Variants in GTF2A2 observed in about 807,000 individuals in gnomAD.
GTF2A2 encodes general transcription factor IIA subunit 2, also known as transcription initiation factor IIA subunit 2.
A neutral mutation model predicts 14.3 loss-of-function variants in GTF2A2; 9 were observed. The ratio of observed to expected loss-of-function variants is 0.63; its 90% confidence interval spans 0.38 to 1.10. The LOEUF (loss-of-function observed/expected upper bound fraction) is 1.10. Ranked by LOEUF, GTF2A2 falls within the 50% of genes least tolerant of loss-of-function variation. GTF2A2 has a pLI of 0.01. For synonymous variants in GTF2A2, 56 were observed against 46.0 expected, an observed-to-expected ratio of 1.22 and a Z score of -0.88; for missense variants, 90 against 124.6, an observed-to-expected ratio of 0.72 and a Z score of 1.32.
intron 1 of GTF2A2, among the ~76,000 whole-genome samples, chr15:59,653,858 T>G (rs1332786426): frequency 6.6e-6 from 1 of 152,156 alleles, no homozygotes; most frequent in East Asian, 1.9e-4. Flanking sequence ...ACAGTAAACA[T>G]AGTCTTCCTG....
At chr15:59,643,534 GA>G (rs1176657687) in intron 3 of GTF2A2, among the ~76,000 whole-genome samples, 44 of 133,958 alleles carry the variant, frequency 3.3e-4, no homozygotes, top group Non-Finnish European at 5.5e-4. Context: ...TTATAATTAA[GA>G]AAAAAAAATT....
At position 59,638,347 on chromosome 15, in the gene GTF2A2, GGTCA is replaced by G. The variant is rs372135289; in HGVS notation, c.*781_*784del. 21 of 152,056 alleles carry G rather than the reference GGTCA, an allele frequency of 1.4e-4. No homozygotes were observed. In the East Asian group the frequency reaches 2.5e-3, roughly 18 times the overall value. The allele number at this position is 152,056 out of a possible 1,614,324, so 9.4% of individuals were successfully genotyped here. ...ACCATGTAAGAAACTCCTCACCTAG[GGTCA>G]GTATGTTACTTCTGTATTTCTGCAA... is the stretch of plus-strand genomic sequence containing the variant. On this transcript the variant is annotated 3_prime_UTR_variant, in exon 5 of 5. Coordinates refer to ENST00000396060, the MANE Select transcript of GTF2A2 (RefSeq NM_004492.3).
intron 3 of GTF2A2, among the ~76,000 whole-genome samples, chr15:59,648,104 T>C (rs556771934): frequency 1.4e-4 from 21 of 152,230 alleles, no homozygotes; most frequent in Non-Finnish European, 2.8e-4. Flanking sequence ...AACCATACAA[T>C]GGCTCTTTAA....
intron 4 of GTF2A2, among the ~76,000 whole-genome samples, chr15:59,640,583 T>A (rs1228833295): frequency 6.6e-6 from 1 of 152,180 alleles, no homozygotes. Context: ...CAGCCATGAG[T>A]GGCTATTGGA....
chr15:59,649,570 A>G (rs1311926332), intron 3 of GTF2A2, among the ~76,000 whole-genome samples: 1 of 152,242 alleles, frequency 6.6e-6, no homozygotes. Context: ...TAATTTTGGC[A>G]GAATCATTAC....
rs967731189 is a variant in GTF2A2, at chr15:59,645,864, G to A, written c.178-3602C>T. Among the ~76,000 whole-genome samples the A allele has an allele frequency of 5.3e-5, 8 of 151,832 alleles. No homozygotes were observed. The South Asian group carries it at 8.4e-4, about 16-fold the overall frequency. On this transcript the variant is annotated intron_variant, in intron 3 of 4. Transcript: ENST00000396060. ...AGCCTGGCCAACATAGTGAAACCCC[G>A]TCTCTACGTAAATATAAAAATTAGA...
chr15:59,657,104 G>A (rs1318211734), intron 1 of GTF2A2: 2 of 152,248 alleles, frequency 1.3e-5, no homozygotes, highest in African/African-American at 4.8e-5. Context: ...GGGCGCTAGT[G>A]GATGCTTTAA....
Position 59,642,143 on chromosome 15 carries a change from A to G in GTF2A2, c.297T>C (p.Asp99=), listed in dbSNP as rs1237314491. The G allele has an allele frequency of 3.7e-6, 6 of 1,605,514 alleles. No individual in the cohort carries two copies. In the African/African-American group the frequency reaches 8.0e-5, roughly 22 times the overall value. ...KVDKVKIVAC[D]GKNTGSNTTE Reference sequence around the variant, plus strand: ...AATAAGGCAAGCACTTACTTTTACCATCACAGGCTACAATTTTCACTTTAT... The same window carrying G: ...AATAAGGCAAGCACTTACTTTTACCGTCACAGGCTACAATTTTCACTTTAT... Residue 99 remains aspartate, a synonymous_variant, in exon 4 of 5, where the codon GAT becomes GAC. Coordinates refer to ENST00000396060, the MANE Select transcript of GTF2A2 (RefSeq NM_004492.3).
At chr15:59,645,194 G>A (rs1484253071) in intron 3 of GTF2A2, among the ~76,000 whole-genome samples, 1 of 152,166 alleles carries the variant, frequency 6.6e-6, no homozygotes, top group African/African-American at 2.4e-5. Flanking sequence ...GGGGAGTAAA[G>A]TTAAATTTGG....
At chr15:59,646,864 C>G (rs1313190220) in intron 3 of GTF2A2, among the ~76,000 whole-genome samples, 1 of 151,830 alleles carries the variant, frequency 6.6e-6, no homozygotes, top group Non-Finnish European at 1.5e-5. Context: ...GAATTAGAAT[C>G]TCTAACATGA....
intron 1 of GTF2A2, among the ~76,000 whole-genome samples, chr15:59,655,310 A>G (rs1233645484): frequency 1.3e-5 from 2 of 152,200 alleles, no homozygotes; most frequent in Non-Finnish European, 2.9e-5. Context: ...TTTTGTCTGT[A>G]TTCACTGTCT....
rs549736758 is a variant in GTF2A2 at position 59,639,731 on chromosome 15, T to G, written c.305-574A>C. On this transcript the variant is annotated intron_variant, in intron 4 of 4. Coordinates refer to ENST00000396060, the MANE Select transcript of GTF2A2 (RefSeq NM_004492.3). ...CCTCGGCATCCCAAAGTGCTGGCAT[T>G]AGAGGTGTGAGCCACCGTGCCTGGC... Among the ~76,000 whole-genome samples the G allele has an allele frequency of 4.3e-4, 65 of 151,374 alleles. 2 individuals are homozygous for G. In the Middle Eastern group the frequency reaches 0.01, roughly 24 times the overall value.
intron 2 of GTF2A2, chr15:59,651,922 G>A (rs774595532): frequency 4.3e-5 from 11 of 253,338 alleles, no homozygotes; most frequent in East Asian, 9.4e-5. Flanking sequence ...GGCCTCAAGC[G>A]ATCCTTCCAC....
intron 1 of GTF2A2, among the ~76,000 whole-genome samples, chr15:59,656,118 A>G (rs1197572714): frequency 6.6e-6 from 1 of 152,068 alleles, no homozygotes; most frequent in Non-Finnish European, 1.5e-5. Context: ...AGCCTTTACA[A>G]TGATCCGGCT....
chr15:59,640,637 G>GTACTGGTGTATGTCATTAATTCATTT (rs1891384135), intron 4 of GTF2A2, among the ~76,000 whole-genome samples: 1 of 152,156 alleles, frequency 6.6e-6, no homozygotes, highest in Non-Finnish European at 1.5e-5. Context: ...GTTCTAAGCA[G>GTACTGGTGTATGTCATTAATTCATTT]TACTGGTGTA....
chr15:59,652,182 T>C (rs746973189), intron 2 of GTF2A2, 24 bp downstream of exon 2: 6 of 1,330,448 alleles, frequency 4.5e-6, no homozygotes, highest in Non-Finnish European at 5.4e-6. Flanking sequence ...ATAAAAATGT[T>C]TGATTTTTAA....
chr15:59,644,796 T>C (rs187404035), intron 3 of GTF2A2, among the ~76,000 whole-genome samples: 5 of 152,306 alleles, frequency 3.3e-5, no homozygotes, highest in Non-Finnish European at 5.9e-5. Flanking sequence ...AAACAGAACG[T>C]GTCAGGAGGT....
At chr15:59,643,102 C>CAG (rs1193538035) in intron 3 of GTF2A2, among the ~76,000 whole-genome samples, 1 of 101,556 alleles carries the variant, frequency 9.8e-6, no homozygotes, top group African/African-American at 3.9e-5. Flanking sequence ...TTTTTTGAGA[C>CAG]AGAGTCTCAC....
intron 3 of GTF2A2, among the ~76,000 whole-genome samples, chr15:59,649,527 C>T (rs1891726609): frequency 2.0e-5 from 3 of 152,178 alleles, no homozygotes; most frequent in Admixed American, 2.0e-4. Context: ...TCTGGGCAGA[C>T]TTCTGCATAT....
Sources: gnomAD v4.1 joint callset for allele counts (sites outside exome capture counted in the v4.1 genomes callset) on GRCh38, gnomAD v4.1.1 for gene constraint, MANE v1.5 for transcripts, NCBI Gene and HGNC (gene_info 2026-07-23, HGNC 2026-07-21) for gene names.